LYZL1: variants seen among roughly 807,000 people sequenced by gnomAD.
The protein encoded by LYZL1 is lysozyme-like protein 1.
Under a neutral mutation model 17.9 loss-of-function variants are expected in LYZL1, and 16 were observed. That is an observed-to-expected ratio of 0.90 (90% CI 0.61 to 1.36). LYZL1 has a LOEUF of 1.36. Among genes scored for constraint, LYZL1 ranks in the 40% most tolerant of loss-of-function variants. LYZL1 has a pLI of 0.00. For synonymous variants in LYZL1, 58 were observed against 71.8 expected, an observed-to-expected ratio of 0.81 and a Z score of 0.97; for missense variants, 149 against 188.4, an observed-to-expected ratio of 0.79 and a Z score of 1.22.
chr10:29,306,914 G>C (rs1835604741), intron 3 of LYZL1, among the ~76,000 whole-genome samples: 1 of 151,824 alleles, frequency 6.6e-6, no homozygotes, highest in South Asian at 2.1e-4. Context: ...AAGTGCGGTG[G>C]TGCAATCTCA....
intron 3 of LYZL1, among the ~76,000 whole-genome samples, chr10:29,305,183 G>A (rs543217689): frequency 1.1e-4 from 17 of 152,182 alleles, no homozygotes; most frequent in African/African-American, 3.9e-4. Flanking sequence ...ACAAACCACA[G>A]TGTCTCAGCA....
At chr10:29,299,177 G>A (rs1835484861) in intron 3 of LYZL1, among the ~76,000 whole-genome samples, 1 of 152,192 alleles carries the variant, frequency 6.6e-6, no homozygotes, top group Admixed American at 6.5e-5. Context: ...AGGTGGTAAT[G>A]CAACCAATGG....
intron 3 of LYZL1, among the ~76,000 whole-genome samples, chr10:29,297,058 A>G (rs10826596): frequency 0.23 from 35,139 of 150,402 alleles, 4,138 homozygotes; most frequent in Admixed American, 0.3. Context: ...GGATGCTTGG[A>G]TGAAACAAAG....
intron 3 of LYZL1, among the ~76,000 whole-genome samples, chr10:29,317,097 G>A (rs997711559): frequency 2.0e-5 from 3 of 152,008 alleles, no homozygotes; most frequent in Admixed American, 2.0e-4. Context: ...AAATTAATAC[G>A]ACACAAGATT....
At chr10:29,305,410 C>T (rs1259671847) in intron 3 of LYZL1, among the ~76,000 whole-genome samples, 2 of 152,102 alleles carry the variant, frequency 1.3e-5, no homozygotes, top group Non-Finnish European at 2.9e-5. Flanking sequence ...AGAATTTAAG[C>T]CCCCTATCAG....
chr10:29,312,713 C>T (rs371371119), downstream of LYZL1, among the ~76,000 whole-genome samples: 1 of 152,152 alleles, frequency 6.6e-6, no homozygotes, highest in African/African-American at 2.4e-5. Flanking sequence ...AGGGATGGCA[C>T]CCCCTCCTGG....
intron 3 of LYZL1, among the ~76,000 whole-genome samples, chr10:29,296,932 G>GA (rs999186299): frequency 8.6e-5 from 13 of 151,710 alleles, no homozygotes; most frequent in African/African-American, 2.7e-4. Flanking sequence ...GCAGTGACAT[G>GA]AAAAAAAATG....
At chr10:29,289,472 G>A (rs1422454290) in intron 1 of LYZL1, among the ~76,000 whole-genome samples, 2 of 145,304 alleles carry the variant, frequency 1.4e-5, no homozygotes, top group South Asian at 4.3e-4. Flanking sequence ...AGGCTGGAGT[G>A]CAGTGTCACA....
chr10:29,295,778 G>A (rs528606305), intron 3 of LYZL1, among the ~76,000 whole-genome samples: 1 of 152,186 alleles, frequency 6.6e-6, no homozygotes, highest in African/African-American at 2.4e-5. Context: ...AAGTGTGAGA[G>A]GGACTTCACC....
intron 3 of LYZL1, among the ~76,000 whole-genome samples, chr10:29,307,900 C>T (rs755664391): frequency 7.2e-5 from 11 of 152,118 alleles, no homozygotes; most frequent in Non-Finnish European, 1.3e-4. Context: ...ACACATGCTG[C>T]TATGTTGGTT....
chr10:29,310,332 T>C (rs1253921582), intron 4 of LYZL1, 144 bp downstream of exon 4: 3 of 630,896 alleles, frequency 4.8e-6, no homozygotes, highest in Non-Finnish European at 8.5e-6. Context: ...TTCTCCTCCA[T>C]CAGTGTGTGG....
intron 1 of LYZL1, among the ~76,000 whole-genome samples, chr10:29,290,841 A>T (rs201393777): frequency 6.6e-6 from 1 of 151,750 alleles, no homozygotes; most frequent in Admixed American, 6.6e-5. Flanking sequence ...TCCATCTCAA[A>T]AAATAAATAA....
chr10:29,317,930 T>G (rs1243733424), intron 4 of LYZL1, among the ~76,000 whole-genome samples: 1 of 148,514 alleles, frequency 6.7e-6, no homozygotes, highest in Non-Finnish European at 1.5e-5. Context: ...GGAAACAGAG[T>G]GAGACCCTGT....
Position 29,290,949 on chromosome 10 carries a change from C to T in LYZL1, c.-25-894C>T, listed in dbSNP as rs75625456. Reference sequence around the variant, plus strand: ...GAGTAGGTGCTTAATCTTCACTCTTCGATAAACCCCCAAACAATAACCCTT... The same window carrying T: ...GAGTAGGTGCTTAATCTTCACTCTTTGATAAACCCCCAAACAATAACCCTT... On this transcript the variant is annotated intron_variant, in intron 1 of 4. Transcript: ENST00000649382. 4.5e-3 allele frequency among the ~76,000 whole-genome samples: 686 copies of T among 152,298 alleles called. 4 individuals carry two copies. Among genetic ancestry groups the T allele is most frequent in the African/African-American group, 0.016 (648 of 41,558 alleles).
intron 3 of LYZL1, among the ~76,000 whole-genome samples, chr10:29,295,908 C>T (rs1835440657): frequency 6.6e-6 from 1 of 152,160 alleles, no homozygotes; most frequent in Non-Finnish European, 1.5e-5. Flanking sequence ...CTCAGTCCAA[C>T]ACCCACAAGG....
chr10:29,306,549 CAAAAAAAAAA>C (rs58001118), intron 3 of LYZL1, among the ~76,000 whole-genome samples: 11 of 48,794 alleles, frequency 2.3e-4, no homozygotes, highest in Non-Finnish European at 3.2e-4. Flanking sequence ...GACTCCGTCT[CAAAAAAAAAA>C]AAAAAAAAAA....
chr10:29,307,775 T>C (rs1285634585), intron 3 of LYZL1, among the ~76,000 whole-genome samples: 1 of 152,152 alleles, frequency 6.6e-6, no homozygotes. Flanking sequence ...TAAATAAAAC[T>C]AGAGTAAACC....
At position 29,292,619 on chromosome 10, in the gene LYZL1, C is replaced by T. The variant is rs142250687; in HGVS notation, c.240C>T (p.Phe80=). ...IDYGIFQINS[F]AWCRRGKLKE... is the part of the protein sequence containing the mutation. ...ATGGCATCTTCCAGATCAACAGCTTCGCGTGGTGCAGACGCGGAAAGCTGA... is the reference window on the plus strand; with the variant it reads ...ATGGCATCTTCCAGATCAACAGCTTTGCGTGGTGCAGACGCGGAAAGCTGA... The change falls in exon 3 of 5, where the codon TTC becomes TTT. Residue 80 remains phenylalanine (F), a synonymous_variant. Coordinates refer to ENST00000649382, the MANE Select transcript of LYZL1 (RefSeq NM_032517.6). 5.8e-4 allele frequency: 938 copies of T among 1,614,262 alleles called. No individual in the cohort carries two copies. The highest frequency in any genetic ancestry group is 7.1e-4 in the Non-Finnish European group (840 of 1,180,048).
rs562349010 is a variant in LYZL1, at chr10:29,298,795, C to T, written c.298+6118C>T. On this transcript the variant is annotated intron_variant, in intron 3 of 4. Coordinates refer to ENST00000649382, the MANE Select transcript of LYZL1 (RefSeq NM_032517.6). ...GAGAATATGGTCTATATCAGCCGTC[C>T]CCAACCTTTTTGGCACCAGGGACCA... Among the ~76,000 whole-genome samples, 7 of 152,146 alleles carry T rather than the reference C, an allele frequency of 4.6e-5. No individual in the cohort carries two copies. In the East Asian group the frequency reaches 1.4e-3, roughly 29 times the overall value.
Sources: allele counts gnomAD v4.1 joint callset (sites outside exome capture counted in the v4.1 genomes callset), GRCh38; gene constraint gnomAD v4.1.1; transcripts MANE v1.5; gene names NCBI Gene and HGNC (gene_info 2026-07-23, HGNC 2026-07-21).